Variants in CNTN5 observed in about 807,000 individuals in gnomAD.
CNTN5 encodes the protein contactin 5, also known as contactin-5.
A neutral mutation model predicts 129.1 loss-of-function variants in CNTN5; 77 were observed. That is an observed-to-expected ratio of 0.60 (90% confidence interval 0.50 to 0.72). CNTN5 has a LOEUF of 0.72. Among genes scored for constraint, CNTN5 ranks in the 30% least tolerant of loss-of-function variants. The pLI, the probability that CNTN5 is intolerant of heterozygous loss-of-function variation, is 0.00. For synonymous variants in CNTN5, 509 were observed against 465.6 expected (o/e 1.09, Z -1.20); for missense variants, 1,478 against 1,328.8 (o/e 1.11, Z -1.75).
intron 1 of CNTN5, among the ~76,000 whole-genome samples, chr11:99,282,856 T>C (rs1342401550): frequency 2.6e-5 from 4 of 152,096 alleles, no homozygotes; most frequent in African/African-American, 4.8e-5. Flanking sequence ...AGTCAGCATC[T>C]GTGGAATTAT....
chr11:100,115,314 A>AGGAGTAAGAT (rs1555012662), intron 13 of CNTN5, among the ~76,000 whole-genome samples: 1 of 152,050 alleles, frequency 6.6e-6, no homozygotes, highest in Non-Finnish European at 1.5e-5. Flanking sequence ...AGACTAATTA[A>AGGAGTAAGAT]GGAGTAAGAT....
chr11:99,821,414 A>G (rs1257964512), intron 4 of CNTN5, among the ~76,000 whole-genome samples: 1 of 152,188 alleles, frequency 6.6e-6, no homozygotes, highest in African/African-American at 2.4e-5. Flanking sequence ...TAATTAGCAG[A>G]CAGAAAAGAA....
intron 14 of CNTN5, among the ~76,000 whole-genome samples, chr11:100,192,693 T>G (rs1452575): frequency 0.22 from 33,353 of 151,868 alleles, 3,699 homozygotes; most frequent in Non-Finnish European, 0.25. Flanking sequence ...AGCTAATCAC[T>G]AACTTAACTC....
At chr11:99,328,515 T>G (rs1865873942) in intron 2 of CNTN5, among the ~76,000 whole-genome samples, 1 of 152,136 alleles carries the variant, frequency 6.6e-6, no homozygotes, top group African/African-American at 2.4e-5. Context: ...TATAGTTTTT[T>G]GTGTTTTAGA....
At chr11:99,054,488 G>A (rs957111306) in intron 1 of CNTN5, among the ~76,000 whole-genome samples, 4 of 151,982 alleles carry the variant, frequency 2.6e-5, no homozygotes, top group African/African-American at 4.8e-5. Context: ...TGTAGGAAAC[G>A]AAGAACATAG....
intron 19 of CNTN5, 67 bp from the exon 20 acceptor site, chr11:100,299,095 G>A: frequency 9.5e-7 from 1 of 1,051,594 alleles, no homozygotes. Context: ...TTTTAATTAA[G>A]AATTTGGAGA....
intron 18 of CNTN5, among the ~76,000 whole-genome samples, chr11:100,285,571 A>C (rs1026919824): frequency 1.3e-5 from 2 of 152,236 alleles, no homozygotes; most frequent in Non-Finnish European, 2.9e-5. Flanking sequence ...GACAAGGCGA[A>C]AGGAGTAGAG....
intron 13 of CNTN5, among the ~76,000 whole-genome samples, chr11:100,158,260 G>A (rs193209933): frequency 6.9e-4 from 105 of 151,944 alleles, no homozygotes; most frequent in African/African-American, 2.4e-3. Flanking sequence ...ATGGAGAGTT[G>A]TTGGTCAAAG....
At chr11:99,982,968 C>G (rs997236709) in intron 8 of CNTN5, among the ~76,000 whole-genome samples, 9 of 152,096 alleles carry the variant, frequency 5.9e-5, no homozygotes, top group African/African-American at 1.9e-4. Flanking sequence ...ATGAGAGAAA[C>G]CTGTGGACCA....
intron 21 of CNTN5, among the ~76,000 whole-genome samples, chr11:100,324,367 G>A (rs1951751012): frequency 1.3e-5 from 2 of 152,144 alleles, no homozygotes; most frequent in African/African-American, 4.8e-5. Flanking sequence ...GTAGCTACTT[G>A]TAGCAATAGC....
chr11:100,229,951 G>A (rs768253765), intron 16 of CNTN5, among the ~76,000 whole-genome samples: 3 of 152,078 alleles, frequency 2.0e-5, no homozygotes, highest in African/African-American at 4.8e-5. Flanking sequence ...TGATTTGAAC[G>A]CAAGAGAGTC....
At chr11:100,149,904 AAAAGAAAAG>A (rs1565289101) in intron 13 of CNTN5, among the ~76,000 whole-genome samples, 1 of 147,836 alleles carries the variant, frequency 6.8e-6, no homozygotes, top group Non-Finnish European at 1.5e-5. Context: ...AAAAAAAAAA[AAAAGAAAAG>A]AAAAGAAAAA....
intron 13 of CNTN5, among the ~76,000 whole-genome samples, chr11:100,116,996 G>A (rs908966892): frequency 6.6e-6 from 1 of 151,904 alleles, no homozygotes; most frequent in Non-Finnish European, 1.5e-5. Flanking sequence ...TTTCTTTCCA[G>A]CCAGTAAATG....
At chr11:99,955,156 A>G (rs1401336192) in intron 7 of CNTN5, among the ~76,000 whole-genome samples, 1 of 150,830 alleles carries the variant, frequency 6.6e-6, no homozygotes, top group East Asian at 1.9e-4. Flanking sequence ...ATTTTAGTAA[A>G]TTATCTAAAA....
At chr11:99,498,793 G>T (rs116158372) in intron 2 of CNTN5, among the ~76,000 whole-genome samples, 1 of 152,202 alleles carries the variant, frequency 6.6e-6, no homozygotes, top group Admixed American at 6.5e-5. Flanking sequence ...CTTGAAGGAG[G>T]TAAAAGAAAT....
In CNTN5 at chr11:99,700,802, C is replaced by T. The variant is rs113137433; in HGVS notation, c.56-118742C>T. On this transcript the variant is annotated intron_variant, in intron 3 of 24. Coordinates refer to ENST00000524871, the MANE Select transcript of CNTN5 (RefSeq NM_014361.4). The stretch of plus-strand genomic sequence containing the variant: ...CTATTGTTCATACAATGCATGGAAG[C>T]AGACTTTGTCAAAAGGCAGAGAGTG... Among the ~76,000 whole-genome samples, 915 of 151,352 alleles carry T rather than the reference C, an allele frequency of 6.0e-3. 12 individuals carry two copies. The highest frequency in any genetic ancestry group is 0.021 in the African/African-American group (885 of 41,444).
At chr11:99,757,740 T>C (rs1163534687) in intron 3 of CNTN5, among the ~76,000 whole-genome samples, 1 of 152,070 alleles carries the variant, frequency 6.6e-6, no homozygotes, top group African/African-American at 2.4e-5. Context: ...AATCTGAGCT[T>C]GAATTCCGAC....
At chr11:99,086,269 C>T (rs1866002106) in intron 1 of CNTN5, among the ~76,000 whole-genome samples, 1 of 152,214 alleles carries the variant, frequency 6.6e-6, no homozygotes, top group Non-Finnish European at 1.5e-5. Context: ...CACACCCACA[C>T]TCAATAGACT....
intron 1 of CNTN5, among the ~76,000 whole-genome samples, chr11:99,293,139 A>T (rs1864240001): frequency 6.6e-6 from 1 of 151,864 alleles, no homozygotes; most frequent in Non-Finnish European, 1.5e-5. Context: ...TTATGAAGAG[A>T]TGTTGAATGT....
Sources: gnomAD v4.1 joint callset for allele counts (sites outside exome capture counted in the v4.1 genomes callset) on GRCh38, gnomAD v4.1.1 for gene constraint, MANE v1.5 for transcripts, NCBI Gene and HGNC (gene_info 2026-07-23, HGNC 2026-07-21) for gene names.